IMMP2L: variants seen among roughly 807,000 people sequenced by gnomAD.
IMMP2L encodes inner mitochondrial membrane peptidase subunit 2.
In IMMP2L, 18 loss-of-function variants were observed where a neutral mutation model predicts 19.3. The ratio of observed to expected loss-of-function variants is 0.93; its 90% confidence interval spans 0.64 to 1.38. The LOEUF is 1.38. IMMP2L is among the 40% of genes most tolerant of loss of function. The pLI, the probability that IMMP2L is intolerant of heterozygous loss-of-function variation, is 0.00. For synonymous variants in IMMP2L, 76 were observed against 73.0 expected, an observed-to-expected ratio of 1.04 and a Z score of -0.21; for missense variants, 233 against 218.2, an observed-to-expected ratio of 1.07 and a Z score of -0.43.
intron 3 of IMMP2L, among the ~76,000 whole-genome samples, chr7:111,008,642 C>T (rs1824571723): frequency 6.6e-6 from 1 of 151,070 alleles, no homozygotes; most frequent in Non-Finnish European, 1.5e-5. Context: ...TTACCTGCCC[C>T]CTATTAAAAA....
intron 3 of IMMP2L, among the ~76,000 whole-genome samples, chr7:111,175,390 T>C (rs2129609874): frequency 6.6e-6 from 1 of 152,010 alleles, no homozygotes; most frequent in East Asian, 1.9e-4. Flanking sequence ...ATGTACACTT[T>C]TTAGTAATAA....
chr7:111,543,271 T>TATA (rs1848637640), intron 1 of IMMP2L, among the ~76,000 whole-genome samples: 1 of 152,172 alleles, frequency 6.6e-6, no homozygotes, highest in African/African-American at 2.4e-5. Flanking sequence ...GTTCATTATC[T>TATA]ATCTATTAAA....
At position 111,062,818 on chromosome 7, in the gene IMMP2L, C is replaced by T. The variant is rs114586517; in HGVS notation, c.240-99253G>A. On this transcript the variant is annotated intron_variant, in intron 3 of 5. Transcript: ENST00000405709. The stretch of plus-strand genomic sequence containing the variant: ...GACCCCATGTCTCACAACCAGTTTA[C>T]ACTGATGCAAGACATGGGTTCCCAT... Among the ~76,000 whole-genome samples the T allele has an allele frequency of 7.3e-3, 1,107 of 152,372 alleles. 12 individuals are homozygous for T. The highest frequency in any genetic ancestry group is 0.024 in the African/African-American group (1,017 of 41,600).
At chr7:110,809,565 T>C (rs1287176182) in intron 5 of IMMP2L, among the ~76,000 whole-genome samples, 1 of 152,006 alleles carries the variant, frequency 6.6e-6, no homozygotes, top group African/African-American at 2.4e-5. Context: ...CTATGTTACA[T>C]ACTGTATTAA....
At chr7:110,878,336 T>C (rs1285500611) in intron 5 of IMMP2L, among the ~76,000 whole-genome samples, 1 of 152,150 alleles carries the variant, frequency 6.6e-6, no homozygotes, top group African/African-American at 2.4e-5. Context: ...TATGAATAGA[T>C]TTCCTTTCAT....
intron 3 of IMMP2L, among the ~76,000 whole-genome samples, chr7:111,273,021 T>TA (rs1490410659): frequency 6.6e-6 from 1 of 152,104 alleles, no homozygotes. Flanking sequence ...CAGCATCCTG[T>TA]AATCTCAGCA....
At chr7:111,007,655 A>C (rs1824442816) in intron 3 of IMMP2L, among the ~76,000 whole-genome samples, 1 of 152,022 alleles carries the variant, frequency 6.6e-6, no homozygotes, top group African/African-American at 2.4e-5. Flanking sequence ...ACGTGTACGT[A>C]TGTACACATA....
intron 3 of IMMP2L, among the ~76,000 whole-genome samples, chr7:111,348,051 T>C (rs777288463): frequency 2.0e-5 from 3 of 147,020 alleles, no homozygotes; most frequent in Non-Finnish European, 4.5e-5. Context: ...GAAAACCAAA[T>C]ACTGCATGTT....
At chr7:110,782,634 C>T (rs765409766) in intron 5 of IMMP2L, among the ~76,000 whole-genome samples, 1 of 151,776 alleles carries the variant, frequency 6.6e-6, no homozygotes, top group Non-Finnish European at 1.5e-5. Context: ...ACATAAGGAA[C>T]GCTTATAAAC....
At chr7:111,376,366 T>G (rs1005844493) in intron 3 of IMMP2L, among the ~76,000 whole-genome samples, 13 of 151,966 alleles carry the variant, frequency 8.6e-5, no homozygotes, top group African/African-American at 3.1e-4. Flanking sequence ...CTACCTCACA[T>G]CTACTAGGAT....
intron 3 of IMMP2L, among the ~76,000 whole-genome samples, chr7:111,156,316 G>A (rs1804639396): frequency 6.6e-6 from 1 of 152,072 alleles, no homozygotes; most frequent in Non-Finnish European, 1.5e-5. Flanking sequence ...ATTGCCATCA[G>A]CACCTTAAAA....
At chr7:111,152,320 C>T (rs141839157) in intron 3 of IMMP2L, among the ~76,000 whole-genome samples, 1 of 152,180 alleles carries the variant, frequency 6.6e-6, no homozygotes, top group Non-Finnish European at 1.5e-5. Flanking sequence ...ACTGCATTAC[C>T]GTTATTTAAA....
chr7:111,486,640 T>C (rs1410402658), intron 3 of IMMP2L, among the ~76,000 whole-genome samples: 2 of 152,202 alleles, frequency 1.3e-5, no homozygotes, highest in East Asian at 1.9e-4. Context: ...CCTAGGACTA[T>C]GTATTATATC....
chr7:111,540,894 A>T (rs565629633), intron 1 of IMMP2L, among the ~76,000 whole-genome samples: 5 of 152,264 alleles, frequency 3.3e-5, no homozygotes, highest in Non-Finnish European at 5.9e-5. Flanking sequence ...GTAACGGAGA[A>T]AATAAGCGGC....
At chr7:111,343,553 A>G (rs1034661605) in intron 3 of IMMP2L, among the ~76,000 whole-genome samples, 2 of 152,032 alleles carry the variant, frequency 1.3e-5, no homozygotes, top group Non-Finnish European at 1.5e-5. Flanking sequence ...CAGCAACCAC[A>G]TAGTGTGTAA....
intron 3 of IMMP2L, among the ~76,000 whole-genome samples, chr7:111,231,503 G>A (rs1158499743): frequency 1.3e-5 from 2 of 151,848 alleles, no homozygotes; most frequent in African/African-American, 4.8e-5. Context: ...CTTCTCCAAT[G>A]AGGTCCTCCC....
intron 5 of IMMP2L, among the ~76,000 whole-genome samples, chr7:110,863,160 C>T (rs1454671172): frequency 6.6e-6 from 1 of 152,092 alleles, no homozygotes; most frequent in Admixed American, 6.6e-5. Context: ...ACATTTCAGA[C>T]CCTCCACAGC....
chr7:110,965,434 ATTTG>A (rs1419928530), intron 3 of IMMP2L, among the ~76,000 whole-genome samples: 1 of 151,430 alleles, frequency 6.6e-6, no homozygotes, highest in East Asian at 1.9e-4. Flanking sequence ...AGTTGCATTT[ATTTG>A]TAACAATTAG....
chr7:111,088,769 G>A (rs1348886079), intron 3 of IMMP2L, among the ~76,000 whole-genome samples: 2 of 152,048 alleles, frequency 1.3e-5, no homozygotes. Context: ...ATTTTTTCAT[G>A]TATCTTTGGA....
Sources: gnomAD v4.1 joint callset for allele counts (sites outside exome capture counted in the v4.1 genomes callset) on GRCh38, gnomAD v4.1.1 for gene constraint, MANE v1.5 for transcripts, NCBI Gene and HGNC (gene_info 2026-07-23, HGNC 2026-07-21) for gene names.